AMPH: variants seen among roughly 807,000 people sequenced by gnomAD.
The protein encoded by AMPH is amphiphysin, also known as amphiphysin (Stiff-Mann syndrome with breast cancer 128kD autoantigen).
In AMPH, 49 loss-of-function variants were observed where a neutral mutation model predicts 99.1. That is an observed-to-expected ratio of 0.49 (90% CI 0.39 to 0.63). The LOEUF (loss-of-function observed/expected upper bound fraction) is 0.63, where lower values mean the gene tolerates loss of function less well. Ranked by LOEUF, AMPH falls within the 20% of genes least tolerant of loss-of-function variation. AMPH has a pLI of 0.00. For synonymous variants in AMPH, 314 were observed against 317.3 expected (o/e 0.99, Z 0.11); for missense variants, 759 against 863.4 (o/e 0.88, Z 1.52).
In AMPH at chr7:38,587,947, T is replaced by TGTGCGC. The variant is rs1554368936; in HGVS notation, c.69+43330_69+43335dup. Among the ~76,000 whole-genome samples the TGTGCGC allele has an allele frequency of 5.2e-4, 76 of 144,820 alleles. 1 individual carries two copies. The highest frequency in any genetic ancestry group is 1.9e-3 in the African/African-American group (73 of 39,420). ...GTGTGTGTGTGTGTGTGTGTGTGTG[T>TGTGCGC]GTGCGCGTGTGTGTGTGAGAGAGAG... is the stretch of plus-strand genomic sequence containing the variant. On this transcript the variant is annotated intron_variant, in intron 1 of 20. Coordinates refer to ENST00000356264, the MANE Select transcript of AMPH (RefSeq NM_001635.4).
chr7:38,571,273 A>ATT (rs1791993482), intron 1 of AMPH, among the ~76,000 whole-genome samples: 1 of 32,218 alleles, frequency 3.1e-5, no homozygotes, highest in East Asian at 4.5e-4. Context: ...ATATTTATAT[A>ATT]TATATTTTTA....
intron 11 of AMPH, among the ~76,000 whole-genome samples, chr7:38,456,268 C>T (rs1787228479): frequency 2.0e-5 from 3 of 152,216 alleles, no homozygotes; most frequent in Admixed American, 1.3e-4. Context: ...ACACTGCTCC[C>T]ACCATGAGAG....
chr7:38,435,652 A>G (rs1372339494), intron 12 of AMPH, among the ~76,000 whole-genome samples: 1 of 152,198 alleles, frequency 6.6e-6, no homozygotes, highest in Non-Finnish European at 1.5e-5. Context: ...AGAGAATGTA[A>G]TGACAGTTAC....
intron 5 of AMPH, among the ~76,000 whole-genome samples, chr7:38,484,316 A>G (rs1165062779): frequency 6.6e-6 from 1 of 152,116 alleles, no homozygotes; most frequent in African/African-American, 2.4e-5. Context: ...GGGACACATT[A>G]TAATCAATTG....
At chr7:38,504,161 C>T (rs189892130) in intron 2 of AMPH, among the ~76,000 whole-genome samples, 3 of 152,278 alleles carry the variant, frequency 2.0e-5, no homozygotes, top group Non-Finnish European at 4.4e-5. Context: ...AGAAAAACCT[C>T]ATTAATTTTA....
At chr7:38,441,659 G>T (rs1786510572) in intron 11 of AMPH, among the ~76,000 whole-genome samples, 2 of 150,850 alleles carry the variant, frequency 1.3e-5, no homozygotes, top group Admixed American at 1.3e-4. Flanking sequence ...GTTTGTCGCA[G>T]CAATATTCAC....
chr7:38,516,934 G>T lies in AMPH; in HGVS notation c.151-13230C>A, dbSNP rs146757426. ...TTGCTGGGTTTCAGACTTGCATGGGGCCCATAGCCCCTTTTTTTGATCAAT... is the reference window on the plus strand; with the variant it reads ...TTGCTGGGTTTCAGACTTGCATGGGTCCCATAGCCCCTTTTTTTGATCAAT... On this transcript the variant is annotated intron_variant, in intron 2 of 20. Transcript: ENST00000356264. 4.8e-3 allele frequency among the ~76,000 whole-genome samples: 731 copies of T among 152,320 alleles called. 5 individuals are homozygous for T. Among genetic ancestry groups the T allele is most frequent in the African/African-American group, 0.017 (697 of 41,564 alleles).
At chr7:38,477,726 C>G (rs532453093) in intron 5 of AMPH, among the ~76,000 whole-genome samples, 1 of 152,112 alleles carries the variant, frequency 6.6e-6, no homozygotes, top group Admixed American at 6.5e-5. Flanking sequence ...AAACAAAAAG[C>G]TTTAAGCCGC....
chr7:38,451,331 G>A (rs1787013762), intron 11 of AMPH, among the ~76,000 whole-genome samples: 1 of 116,718 alleles, frequency 8.6e-6, no homozygotes, highest in African/African-American at 4.5e-5. Context: ...ATATACACAT[G>A]TATATATACA....
chr7:38,407,201 C>G (rs1424730663), intron 17 of AMPH, among the ~76,000 whole-genome samples: 1 of 147,408 alleles, frequency 6.8e-6, no homozygotes, highest in East Asian at 2.0e-4. Flanking sequence ...CTCTCTCTCC[C>G]TCTCTCTATA....
chr7:38,585,453 G>T (rs924120791), intron 1 of AMPH, among the ~76,000 whole-genome samples: 1 of 152,206 alleles, frequency 6.6e-6, no homozygotes, highest in Admixed American at 6.5e-5. Flanking sequence ...CTTTTGCAAA[G>T]TAAGAAGATG....
At chr7:38,484,682 T>C (rs566837338) in intron 5 of AMPH, among the ~76,000 whole-genome samples, 5 of 152,116 alleles carry the variant, frequency 3.3e-5, no homozygotes, top group African/African-American at 2.4e-5. Flanking sequence ...TGTAAATATA[T>C]AGACAAATAC....
At chr7:38,523,950 A>G (rs549664078) in intron 2 of AMPH, among the ~76,000 whole-genome samples, 2 of 152,224 alleles carry the variant, frequency 1.3e-5, no homozygotes, top group East Asian at 3.9e-4. Context: ...GAAAATATTT[A>G]TGTATTAACT....
chr7:38,468,391 T>C (rs746124659), intron 7 of AMPH, among the ~76,000 whole-genome samples: 1 of 152,200 alleles, frequency 6.6e-6, no homozygotes, highest in Non-Finnish European at 1.5e-5. Context: ...TATTTAACTT[T>C]GGATGCATTA....
intron 20 of AMPH, among the ~76,000 whole-genome samples, chr7:38,389,591 G>C (rs1202015251): frequency 6.6e-6 from 1 of 152,162 alleles, no homozygotes; most frequent in African/African-American, 2.4e-5. Context: ...ACAGTCAACT[G>C]TTTGTATTAT....
intron 2 of AMPH, among the ~76,000 whole-genome samples, chr7:38,517,950 G>A (rs572281942): frequency 3.1e-4 from 47 of 152,132 alleles, no homozygotes; most frequent in Non-Finnish European, 5.4e-4. Flanking sequence ...CAGTCTCAGC[G>A]CTCTAGAAGG....
At chr7:38,527,617 T>C (rs1188939189) in intron 2 of AMPH, among the ~76,000 whole-genome samples, 1 of 152,204 alleles carries the variant, frequency 6.6e-6, no homozygotes, top group Non-Finnish European at 1.5e-5. Context: ...ACTGAACTCA[T>C]TTATCTGTTA....
intron 11 of AMPH, among the ~76,000 whole-genome samples, chr7:38,446,250 G>A (rs920092962): frequency 6.6e-6 from 1 of 152,164 alleles, no homozygotes; most frequent in Admixed American, 6.6e-5. Context: ...CAGAAAATCT[G>A]TCAATTTTTT....
chr7:38,512,715 C>T (rs1240399362), intron 2 of AMPH, among the ~76,000 whole-genome samples: 2 of 152,186 alleles, frequency 1.3e-5, no homozygotes, highest in Non-Finnish European at 2.9e-5. Flanking sequence ...ATGTCTGTGA[C>T]ATCTGCAATT....
Sources: allele counts gnomAD v4.1 joint callset (sites outside exome capture counted in the v4.1 genomes callset), GRCh38; gene constraint gnomAD v4.1.1; transcripts MANE v1.5; gene names NCBI Gene and HGNC (gene_info 2026-07-23, HGNC 2026-07-21).